Variants in MAGI2 observed in about 807,000 individuals in gnomAD.
MAGI2 encodes the protein membrane-associated guanylate kinase, WW and PDZ domain-containing protein 2.
In MAGI2, 35 loss-of-function variants were observed where a neutral mutation model predicts 133.3. The observed-to-expected ratio is 0.26, with a 90% CI of 0.20 to 0.35. MAGI2 has a LOEUF of 0.35. MAGI2 is among the 10% of genes least tolerant of loss of function. The probability of loss-of-function intolerance (pLI) is 1.00; values close to 1 mark genes in which losing one functional copy is unlikely to be tolerated. For missense variants in MAGI2, 1,636 were observed against 1,863.4 expected (o/e 0.88, Z 2.25); for synonymous variants, 729 against 710.6 (o/e 1.03, Z -0.41).
At chr7:78,781,240 A>T (rs1440777922) in intron 2 of MAGI2, among the ~76,000 whole-genome samples, 5 of 151,954 alleles carry the variant, frequency 3.3e-5, no homozygotes, top group South Asian at 2.1e-4. Flanking sequence ...TTAGCCGGAC[A>T]TGGTGGCGGG....
intron 2 of MAGI2, among the ~76,000 whole-genome samples, chr7:78,832,280 C>T (rs2151444527): frequency 6.6e-6 from 1 of 151,892 alleles, no homozygotes; most frequent in Admixed American, 6.6e-5. Flanking sequence ...GAAAATAATA[C>T]TAATTTTTTT....
intron 1 of MAGI2, among the ~76,000 whole-genome samples, chr7:79,214,845 T>C (rs1310715575): frequency 6.9e-6 from 1 of 143,896 alleles, no homozygotes; most frequent in African/African-American, 2.5e-5. Flanking sequence ...ATTATAAAAT[T>C]TATAAATTTA....
chr7:79,297,604 G>A (rs1837043153), intron 1 of MAGI2, among the ~76,000 whole-genome samples: 2 of 152,098 alleles, frequency 1.3e-5, no homozygotes, highest in African/African-American at 4.8e-5. Context: ...GAATCAAAAG[G>A]TCTATAGAGC....
chr7:78,523,635 T>G (rs1292963421), intron 3 of MAGI2, among the ~76,000 whole-genome samples: 4 of 152,098 alleles, frequency 2.6e-5, no homozygotes, highest in African/African-American at 7.2e-5. Flanking sequence ...AGCAAGCCCC[T>G]TCTTCACAAG....
chr7:78,463,200 G>A (rs1029274177), intron 6 of MAGI2, among the ~76,000 whole-genome samples: 1 of 152,220 alleles, frequency 6.6e-6, no homozygotes, highest in Non-Finnish European at 1.5e-5. Context: ...AAGGGCTGCT[G>A]GCAGCTGTGG....
intron 1 of MAGI2, among the ~76,000 whole-genome samples, chr7:79,303,891 A>C (rs111335834): frequency 6.6e-6 from 1 of 152,138 alleles, no homozygotes; most frequent in Non-Finnish European, 1.5e-5. Flanking sequence ...TTGCTAGATC[A>C]TATCTCCTTC....
chr7:78,909,024 G>A (rs1266277361), intron 2 of MAGI2, among the ~76,000 whole-genome samples: 4 of 151,428 alleles, frequency 2.6e-5, no homozygotes, highest in East Asian at 3.9e-4. Context: ...GAGTGAACAG[G>A]CAACCTACAG....
intron 1 of MAGI2, among the ~76,000 whole-genome samples, chr7:79,022,412 T>C (rs28840673): frequency 0.59 from 89,189 of 151,684 alleles, 26,538 homozygotes; most frequent in East Asian, 0.63. Flanking sequence ...TAAACACCCA[T>C]ATAAAATAGT....
chr7:78,360,563 C>G (rs1489207485), intron 7 of MAGI2, among the ~76,000 whole-genome samples: 1 of 151,906 alleles, frequency 6.6e-6, no homozygotes, highest in Non-Finnish European at 1.5e-5. Context: ...GCTATATGAG[C>G]TAACTGTTTC....
chr7:78,338,996 CAAACA>C (rs199948881), intron 9 of MAGI2, among the ~76,000 whole-genome samples: 5,590 of 151,892 alleles, frequency 0.037, 155 homozygotes, highest in South Asian at 0.13. Context: ...AACAAACAAA[CAAACA>C]AACAAACAAA....
At chr7:79,415,830 G>A (rs1173259128) in intron 1 of MAGI2, among the ~76,000 whole-genome samples, 2 of 152,164 alleles carry the variant, frequency 1.3e-5, no homozygotes, top group African/African-American at 4.8e-5. Flanking sequence ...TTGTAAGAGA[G>A]AGATGGTTGA....
intron 10 of MAGI2, among the ~76,000 whole-genome samples, chr7:78,225,920 G>A (rs1473528335): frequency 6.6e-6 from 1 of 152,160 alleles, no homozygotes; most frequent in African/African-American, 2.4e-5. Flanking sequence ...GTACAACGCC[G>A]AGGGTGCTGT....
intron 2 of MAGI2, among the ~76,000 whole-genome samples, chr7:78,788,840 T>C (rs1487718725): frequency 6.6e-6 from 1 of 152,164 alleles, no homozygotes; most frequent in Non-Finnish European, 1.5e-5. Flanking sequence ...ATGATTTAAG[T>C]TTTAAAGACC....
intron 2 of MAGI2, among the ~76,000 whole-genome samples, chr7:78,905,814 G>A (rs992309260): frequency 1.3e-5 from 2 of 151,924 alleles, no homozygotes; most frequent in Non-Finnish European, 2.9e-5. Context: ...GGAGGTAAGG[G>A]GTCACATACC....
At chr7:78,955,610 C>CTCCCTCCCTTCCTTCCT (rs1327852689) in intron 2 of MAGI2, among the ~76,000 whole-genome samples, 3 of 151,390 alleles carry the variant, frequency 2.0e-5, no homozygotes, top group African/African-American at 7.3e-5. Flanking sequence ...AATTGCTTCC[C>CTCCCTCCCTTCCTTCCT]TCCCTCCCTT....
chr7:78,538,022 G>A (rs1798101151), intron 3 of MAGI2, among the ~76,000 whole-genome samples: 3 of 152,164 alleles, frequency 2.0e-5, no homozygotes, highest in African/African-American at 2.4e-5. Flanking sequence ...TTTGTATAAG[G>A]AGAGAGATGA....
intron 2 of MAGI2, among the ~76,000 whole-genome samples, chr7:78,698,206 CTG>C (rs1341312211): frequency 6.6e-6 from 1 of 152,200 alleles, no homozygotes; most frequent in African/African-American, 2.4e-5. Context: ...TTTGTCAAAA[CTG>C]TGCTGATCAA....
intron 2 of MAGI2, among the ~76,000 whole-genome samples, chr7:78,987,640 GT>G (rs1805387617): frequency 6.6e-6 from 1 of 151,842 alleles, no homozygotes; most frequent in Non-Finnish European, 1.5e-5. Context: ...TTCATCTTCT[GT>G]TTTCCCATTA....
At chr7:79,194,974 G>A (rs971943124) in intron 1 of MAGI2, among the ~76,000 whole-genome samples, 1 of 151,960 alleles carries the variant, frequency 6.6e-6, no homozygotes, top group Non-Finnish European at 1.5e-5. Flanking sequence ...CATGCCCAAA[G>A]TTCATTTAGG....
Sources: allele counts gnomAD v4.1 joint callset (sites outside exome capture counted in the v4.1 genomes callset), GRCh38; gene constraint gnomAD v4.1.1; transcripts MANE v1.5; gene names NCBI Gene and HGNC (gene_info 2026-07-23, HGNC 2026-07-21).